The following CHODL variants were observed in gnomAD, a reference collection of about 807,000 sequenced individuals.
CHODL encodes the protein chondrolectin.
In CHODL, 29 loss-of-function variants were observed where a neutral mutation model predicts 34.5. The ratio of observed to expected loss-of-function variants is 0.84; its 90% CI spans 0.63 to 1.15. The LOEUF (loss-of-function observed/expected upper bound fraction) is 1.15. Ranked by LOEUF, CHODL falls within the 50% of genes most tolerant of loss-of-function variation. CHODL has a pLI of 0.00. For synonymous variants in CHODL, 125 were observed against 116.1 expected, an observed-to-expected ratio of 1.08 and a Z score of -0.49; for missense variants, 332 against 332.5, an observed-to-expected ratio of 1.00 and a Z score of 0.01.
intron 2 of CHODL, among the ~76,000 whole-genome samples, chr21:18,057,560 T>C (rs2064598861): frequency 6.6e-6 from 1 of 152,106 alleles, no homozygotes; most frequent in Non-Finnish European, 1.5e-5. Flanking sequence ...GTACATTTTA[T>C]GGGTTTTGTC....
rs575972300 is a variant in CHODL, at chr21:18,212,990, G to C, written c.-44-43519G>C. 3.9e-5 allele frequency among the ~76,000 whole-genome samples: 6 copies of C among 152,224 alleles called. No homozygotes were observed. The South Asian group carries it at 1.2e-3, about 32-fold the overall frequency. On this transcript the variant is annotated intron_variant, in intron 2 of 6. Transcript: ENST00000400127. Reference sequence around the variant, plus strand: ...TAAAGAGCAATTGCTTGTATTGATTGCATTCAGCATTTAGGAAACACTAAT... The same window carrying C: ...TAAAGAGCAATTGCTTGTATTGATTCCATTCAGCATTTAGGAAACACTAAT...
chr21:18,058,957 T>A (rs187603146), intron 2 of CHODL, among the ~76,000 whole-genome samples: 1 of 152,306 alleles, frequency 6.6e-6, no homozygotes, highest in East Asian at 1.9e-4. Flanking sequence ...AGCGCCTATA[T>A]GAAGACAATT....
intron 2 of CHODL, among the ~76,000 whole-genome samples, chr21:18,066,334 T>C (rs925391481): frequency 2.6e-5 from 4 of 152,190 alleles, no homozygotes; most frequent in Non-Finnish European, 5.9e-5. Context: ...AATTACATAG[T>C]TTTATATCTG....
intron 1 of CHODL, among the ~76,000 whole-genome samples, chr21:17,928,770 G>T (rs1051890348): frequency 2.0e-5 from 3 of 152,208 alleles, no homozygotes; most frequent in Non-Finnish European, 4.4e-5. Flanking sequence ...TGTTTGGGGT[G>T]ATTAGAGGAT....
chr21:17,953,117 AATAAT>A (rs768788261), intron 1 of CHODL, among the ~76,000 whole-genome samples: 5 of 152,180 alleles, frequency 3.3e-5, no homozygotes, highest in Non-Finnish European at 7.3e-5. Flanking sequence ...GCAATAATAA[AATAAT>A]ATAAGATTTA....
chr21:17,966,029 T>C (rs139592277), intron 1 of CHODL, among the ~76,000 whole-genome samples: 22 of 151,846 alleles, frequency 1.4e-4, no homozygotes, highest in Non-Finnish European at 2.6e-4. Flanking sequence ...ACTATTGAAA[T>C]ATAATTTCTT....
chr21:18,243,869 G>A (rs2146775855), upstream of CHODL, among the ~76,000 whole-genome samples: 1 of 152,300 alleles, frequency 6.6e-6, no homozygotes, highest in East Asian at 1.9e-4. Context: ...AGAGGAAAGT[G>A]TACTTCCTAT....
chr21:18,224,044 G>C (rs1342348664), intron 2 of CHODL, among the ~76,000 whole-genome samples: 1 of 152,044 alleles, frequency 6.6e-6, no homozygotes, highest in African/African-American at 2.4e-5. Flanking sequence ...AAATCACAAT[G>C]GAATAAATGA....
chr21:18,225,720 G>GA (rs1489945507), intron 2 of CHODL, among the ~76,000 whole-genome samples: 1 of 151,852 alleles, frequency 6.6e-6, no homozygotes, highest in Non-Finnish European at 1.5e-5. Context: ...ATATCTAAAA[G>GA]AAAACATAAG....
chr21:18,238,370 G>T (rs2074049292), intron 2 of CHODL, among the ~76,000 whole-genome samples: 1 of 152,072 alleles, frequency 6.6e-6, no homozygotes, highest in Non-Finnish European at 1.5e-5. Context: ...TTCTTACATG[G>T]TGGTGGCAAG....
chr21:17,946,411 CAG>C (rs1399042155), intron 1 of CHODL, among the ~76,000 whole-genome samples: 6 of 152,158 alleles, frequency 3.9e-5, no homozygotes, highest in East Asian at 3.9e-4. Context: ...CAAAGCGAGA[CAG>C]AGATTTTCCC....
intron 2 of CHODL, among the ~76,000 whole-genome samples, chr21:18,052,620 G>A (rs2146470884): frequency 6.6e-6 from 1 of 152,042 alleles, no homozygotes; most frequent in Admixed American, 6.6e-5. Flanking sequence ...GGATATACTA[G>A]GTTTAAAGCA....
At chr21:17,952,236 A>G (rs998726117) in intron 1 of CHODL, among the ~76,000 whole-genome samples, 2 of 151,754 alleles carry the variant, frequency 1.3e-5, no homozygotes, top group African/African-American at 4.8e-5. Flanking sequence ...TACAAATCCA[A>G]GAACGATGAC....
chr21:18,169,120 G>A (rs1248465409), intron 2 of CHODL, among the ~76,000 whole-genome samples: 2 of 152,032 alleles, frequency 1.3e-5, no homozygotes, highest in South Asian at 2.1e-4. Context: ...ATGTTTGACA[G>A]AATTCACCAG....
chr21:18,146,328 TG>T (rs1023015841), intron 2 of CHODL, among the ~76,000 whole-genome samples: 1 of 152,028 alleles, frequency 6.6e-6, no homozygotes. Flanking sequence ...GTACCTGATA[TG>T]GTTTAGCTTG....
chr21:18,239,351 A>G (rs1262978335), intron 2 of CHODL, among the ~76,000 whole-genome samples: 1 of 152,046 alleles, frequency 6.6e-6, no homozygotes, highest in Non-Finnish European at 1.5e-5. Context: ...TGAGCTACTT[A>G]CGCTTAGAAA....
At position 17,956,988 on chromosome 21, in the gene CHODL, C is replaced by T. The variant is rs368304118; in HGVS notation, c.-145+39588C>T. ...TGAACTGAGTAAAGAAGGTTGTCCT[C>T]TCCAATGTGGGTGGGCAACCAATCT... On this transcript the variant is annotated intron_variant, in intron 1 of 6. Transcript: ENST00000400127. Among the ~76,000 whole-genome samples the T allele has an allele frequency of 2.6e-5, 4 of 151,948 alleles. No individual in the cohort carries two copies. In the South Asian group the frequency reaches 8.3e-4, roughly 32 times the overall value.
At chr21:18,205,166 G>C (rs572423322) in intron 2 of CHODL, among the ~76,000 whole-genome samples, 1 of 152,286 alleles carries the variant, frequency 6.6e-6, no homozygotes, top group East Asian at 1.9e-4. Flanking sequence ...TGGTGTTCCA[G>C]ATATTGGGGA....
intron 1 of CHODL, among the ~76,000 whole-genome samples, chr21:17,999,557 G>A (rs1444951019): frequency 6.6e-6 from 1 of 152,206 alleles, no homozygotes; most frequent in Non-Finnish European, 1.5e-5. Context: ...GGCTGGCGAT[G>A]CCTCACAATC....
Sources: gnomAD v4.1 joint callset for allele counts (sites outside exome capture counted in the v4.1 genomes callset) on GRCh38, gnomAD v4.1.1 for gene constraint, MANE v1.5 for transcripts, NCBI Gene and HGNC (gene_info 2026-07-23, HGNC 2026-07-21) for gene names.